The following GRIK2 variants were observed in gnomAD, a reference collection of about 807,000 sequenced individuals.
GRIK2 encodes glutamate ionotropic receptor kainate type subunit 2.
In GRIK2, 32 loss-of-function variants were observed where a neutral mutation model predicts 100.3. The observed-to-expected ratio is 0.32, with a 90% CI of 0.24 to 0.43. The LOEUF (loss-of-function observed/expected upper bound fraction) is 0.43, where lower values mean the gene tolerates loss of function less well. Ranked by LOEUF, GRIK2 falls within the 20% of genes least tolerant of loss-of-function variation. The pLI is 1.00. For synonymous variants in GRIK2, 417 were observed against 389.4 expected (o/e 1.07, Z -0.83); for missense variants, 843 against 1,114.9 (o/e 0.76, Z 3.47).
At chr6:101,791,131 A>T (rs1183513587) in intron 7 of GRIK2, among the ~76,000 whole-genome samples, 2 of 151,772 alleles carry the variant, frequency 1.3e-5, no homozygotes, top group East Asian at 1.9e-4. Flanking sequence ...GCAGTCTATC[A>T]ATTTTGTTGA....
chr6:101,918,978 GT>G (rs567099709), intron 12 of GRIK2, among the ~76,000 whole-genome samples: 2 of 151,816 alleles, frequency 1.3e-5, no homozygotes, highest in Non-Finnish European at 3.0e-5. Flanking sequence ...ATAGAAGCCA[GT>G]TGGGTGAATT....
At chr6:101,756,889 T>G (rs1043854700) in intron 7 of GRIK2, among the ~76,000 whole-genome samples, 3 of 152,206 alleles carry the variant, frequency 2.0e-5, no homozygotes, top group African/African-American at 7.2e-5. Flanking sequence ...TTTTTGCTAT[T>G]GCACTTACTA....
At chr6:101,838,569 A>T (rs1783289551) in intron 10 of GRIK2, among the ~76,000 whole-genome samples, 1 of 152,140 alleles carries the variant, frequency 6.6e-6, no homozygotes, top group South Asian at 2.1e-4. Context: ...TTGTATCTGC[A>T]ATTTTTCCAT....
At chr6:101,614,521 C>T (rs999081821) in intron 2 of GRIK2, among the ~76,000 whole-genome samples, 1 of 151,496 alleles carries the variant, frequency 6.6e-6, no homozygotes, top group African/African-American at 2.4e-5. Flanking sequence ...ACCCTAATGT[C>T]ATTTAATATC....
chr6:101,981,970 T>A, intron 14 of GRIK2, among the ~76,000 whole-genome samples: 1 of 151,934 alleles, frequency 6.6e-6, no homozygotes, highest in African/African-American at 2.4e-5. Context: ...CATAGCTGGT[T>A]AGATAGATGG....
At chr6:101,550,274 C>G (rs1413123353) in intron 2 of GRIK2, among the ~76,000 whole-genome samples, 1 of 152,054 alleles carries the variant, frequency 6.6e-6, no homozygotes, top group African/African-American at 2.4e-5. Flanking sequence ...TCTTTTTAGT[C>G]TTTGGAAAGA....
At chr6:101,539,916 C>A (rs1224729805) in intron 2 of GRIK2, among the ~76,000 whole-genome samples, 1 of 151,716 alleles carries the variant, frequency 6.6e-6, no homozygotes, top group Non-Finnish European at 1.5e-5. Context: ...AGGGCTTTAG[C>A]TACATTATCT....
chr6:102,045,488 G>T (rs1425518100), intron 15 of GRIK2, among the ~76,000 whole-genome samples: 2 of 152,014 alleles, frequency 1.3e-5, no homozygotes, highest in African/African-American at 4.8e-5. Context: ...TTAGAGGATA[G>T]GATGAGGTAC....
chr6:101,900,103 T>C (rs1787742967), intron 12 of GRIK2, among the ~76,000 whole-genome samples: 1 of 152,178 alleles, frequency 6.6e-6, no homozygotes, highest in South Asian at 2.1e-4. Flanking sequence ...CAATTTTCAA[T>C]TAGAGCTTCA....
chr6:101,632,691 C>A lies in GRIK2; in HGVS notation c.541+6054C>A, dbSNP rs1953679. Reference sequence around the variant, plus strand: ...TCTTATTTGAGCAATTATTAAATTTCTGTATACCAGCTGCTATCTTAGGCA... The same window carrying A: ...TCTTATTTGAGCAATTATTAAATTTATGTATACCAGCTGCTATCTTAGGCA... On this transcript the variant is annotated intron_variant, in intron 4 of 16. Coordinates refer to ENST00000369134, the MANE Select transcript of GRIK2 (RefSeq NM_021956.5). 1.9e-3 allele frequency among the ~76,000 whole-genome samples: 291 copies of A among 152,114 alleles called. 2 individuals carry two copies. The highest frequency in any genetic ancestry group is 6.9e-3 in the African/African-American group (287 of 41,516).
chr6:101,616,944 T>C (rs771242107), intron 2 of GRIK2, among the ~76,000 whole-genome samples: 12 of 151,768 alleles, frequency 7.9e-5, no homozygotes, highest in Non-Finnish European at 1.5e-5. Context: ...AGTTGTGTTT[T>C]CAGTAGCTAG....
chr6:101,991,163 G>T (rs1321892079), intron 14 of GRIK2, among the ~76,000 whole-genome samples: 1 of 151,778 alleles, frequency 6.6e-6, no homozygotes. Context: ...ATGCTAGTGA[G>T]TCTCAATCAC....
At chr6:101,428,819 G>C (rs1169796580) in intron 2 of GRIK2, among the ~76,000 whole-genome samples, 1 of 152,132 alleles carries the variant, frequency 6.6e-6, no homozygotes, top group Non-Finnish European at 1.5e-5. Flanking sequence ...CTGCAGGTGG[G>C]TGACAGGGGG....
intron 2 of GRIK2, among the ~76,000 whole-genome samples, chr6:101,439,806 G>C (rs1342727421): frequency 6.6e-6 from 1 of 152,050 alleles, no homozygotes; most frequent in Non-Finnish European, 1.5e-5. Context: ...TTCTGGTTTA[G>C]AATTTTGGGC....
chr6:101,898,926 A>C (rs989556659), intron 12 of GRIK2, among the ~76,000 whole-genome samples: 3 of 151,964 alleles, frequency 2.0e-5, no homozygotes, highest in Non-Finnish European at 4.4e-5. Flanking sequence ...AATGAGTAGG[A>C]GATATAGTGT....
intron 9 of GRIK2, among the ~76,000 whole-genome samples, chr6:101,817,788 A>G (rs559072276): frequency 2.0e-5 from 3 of 152,342 alleles, no homozygotes; most frequent in Admixed American, 2.0e-4. Context: ...TATTCAGATC[A>G]GATTTTACTG....
intron 14 of GRIK2, among the ~76,000 whole-genome samples, chr6:102,001,973 A>T (rs749041001): frequency 2.3e-4 from 35 of 151,780 alleles, no homozygotes; most frequent in Non-Finnish European, 4.3e-4. Context: ...AATAGTTTTA[A>T]TATATTTTAT....
At chr6:102,056,815 CAG>C (rs1412811858) in intron 16 of GRIK2, among the ~76,000 whole-genome samples, 9 of 151,916 alleles carry the variant, frequency 5.9e-5, no homozygotes, top group African/African-American at 2.2e-4. Flanking sequence ...TGCTTGATTA[CAG>C]TACTTGACAC....
chr6:101,636,407 G>T (rs1264436621), intron 4 of GRIK2, among the ~76,000 whole-genome samples: 3 of 152,004 alleles, frequency 2.0e-5, no homozygotes, highest in Admixed American at 2.0e-4. Flanking sequence ...GTAGATGACG[G>T]CTTGATGGGT....
Sources: allele counts gnomAD v4.1 joint callset (sites outside exome capture counted in the v4.1 genomes callset), GRCh38; gene constraint gnomAD v4.1.1; transcripts MANE v1.5; gene names NCBI Gene and HGNC (gene_info 2026-07-23, HGNC 2026-07-21).